The following GNAL variants were observed in gnomAD, a reference collection of about 807,000 sequenced individuals.
The protein encoded by GNAL is G protein subunit alpha L, also known as guanine nucleotide-binding protein G(olf) subunit alpha.
In GNAL, 18 loss-of-function variants were observed where a neutral mutation model predicts 55.1. That is an observed-to-expected ratio of 0.33 (90% CI 0.23 to 0.48). The LOEUF is 0.48. Ranked by LOEUF, GNAL falls within the 20% of genes least tolerant of loss-of-function variation. GNAL has a pLI of 0.99. For synonymous variants in GNAL, 253 were observed against 237.0 expected (o/e 1.07, Z -0.62); for missense variants, 412 against 614.1 (o/e 0.67, Z 3.48).
At chr18:11,693,676 C>T (rs1015555986) in intron 1 of GNAL, among the ~76,000 whole-genome samples, 18 of 151,174 alleles carry the variant, frequency 1.2e-4, no homozygotes, top group Non-Finnish European at 8.8e-5. Flanking sequence ...GAAATGTGCA[C>T]CGAAAGCTGG....
At chr18:11,784,557 G>A (rs2034006657) in intron 4 of GNAL, among the ~76,000 whole-genome samples, 2 of 152,230 alleles carry the variant, frequency 1.3e-5, no homozygotes, top group South Asian at 4.1e-4. Context: ...TTGAGCAGAA[G>A]CAGATTGTAT....
In GNAL at chr18:11,884,976, C is replaced by T. The variant is rs1022674173; in HGVS notation, c.*3841C>T. 5.0e-5 allele frequency: 65 copies of T among 1,301,908 alleles called. No individual in the cohort carries two copies. The highest frequency in any genetic ancestry group is 6.0e-5 in the Non-Finnish European group (60 of 1,000,172). The allele number at this position is 1,301,908 out of a possible 1,614,324, so 80.6% of individuals were successfully genotyped here. On this transcript the variant is annotated 3_prime_UTR_variant, in exon 12 of 12. Transcript: ENST00000334049. Reference sequence around the variant, plus strand: ...AGGCACCGTGGAGTTCCAGGGTCATCGGTCAGCGAGGAACAAGGAGGGAAA... The same window carrying T: ...AGGCACCGTGGAGTTCCAGGGTCATTGGTCAGCGAGGAACAAGGAGGGAAA...
At position 11,824,158 on chromosome 18, in the gene GNAL, T is replaced by G. The variant is rs137905960; in HGVS notation, c.625-760T>G. On this transcript the variant is annotated intron_variant, in intron 4 of 11. Transcript: ENST00000334049. Reference sequence around the variant, plus strand: ...TCTGGGCCAAATTTAATCCATCTACTCAACCATGTCCATTCCTAATCATAA... The same window carrying G: ...TCTGGGCCAAATTTAATCCATCTACGCAACCATGTCCATTCCTAATCATAA... Among the ~76,000 whole-genome samples the G allele has an allele frequency of 5.5e-3, 832 of 151,766 alleles. 3 individuals are homozygous for G. The highest frequency in any genetic ancestry group is 9.4e-3 in the Non-Finnish European group (638 of 67,982).
rs9948578 is a variant in GNAL at position 11,740,161 on chromosome 18, G to A, written c.377-12692G>A. ...TGTAATTTTCAGTGGCTTAGAATTC[G>A]TTACAGTACTTAACTGTTTTGGTGC... On this transcript the variant is annotated intron_variant, in intron 1 of 11. Transcript: ENST00000334049. 9.0e-3 allele frequency among the ~76,000 whole-genome samples: 1,366 copies of A among 152,114 alleles called. 19 individuals carry two copies. The highest frequency in any genetic ancestry group is 0.031 in the African/African-American group (1,300 of 41,460).
intron 1 of GNAL, among the ~76,000 whole-genome samples, chr18:11,722,597 G>A (rs767824712): frequency 2.6e-5 from 4 of 152,208 alleles, no homozygotes. Flanking sequence ...TTGGCTGGGT[G>A]CGGTGGCTGA....
At chr18:11,719,032 G>A (rs1423467584) in intron 1 of GNAL, among the ~76,000 whole-genome samples, 1 of 152,180 alleles carries the variant, frequency 6.6e-6, no homozygotes, top group Non-Finnish European at 1.5e-5. Flanking sequence ...TGAATTGGAT[G>A]TAAATAGGAG....
intron 1 of GNAL, among the ~76,000 whole-genome samples, chr18:11,703,635 C>A (rs2031631236): frequency 6.6e-6 from 1 of 152,194 alleles, no homozygotes; most frequent in African/African-American, 2.4e-5. Flanking sequence ...GTGGTTGATC[C>A]AGTGGACTTC....
At chr18:11,851,763 G>A in intron 5 of GNAL, 4 of 1,614,014 alleles carry the variant, frequency 2.5e-6, no homozygotes, top group South Asian at 2.2e-5. Context: ...CGGCGGTGAC[G>A]ATGGGCAAGG....
chr18:11,791,186 G>C (rs1317639097), intron 4 of GNAL, among the ~76,000 whole-genome samples: 1 of 152,178 alleles, frequency 6.6e-6, no homozygotes, highest in East Asian at 1.9e-4. Flanking sequence ...AATGGTTTGT[G>C]TGGGTTCTTA....
At chr18:11,735,413 A>C (rs954397602) in intron 1 of GNAL, among the ~76,000 whole-genome samples, 6 of 152,122 alleles carry the variant, frequency 3.9e-5, no homozygotes, top group African/African-American at 7.2e-5. Context: ...AGTGATGATA[A>C]GGAATGGATC....
chr18:11,785,445 A>G (rs568865645), intron 4 of GNAL, among the ~76,000 whole-genome samples: 1 of 152,262 alleles, frequency 6.6e-6, no homozygotes, highest in Admixed American at 6.5e-5. Context: ...GAACAAGGAG[A>G]AGAAAGGAGG....
intron 11 of GNAL, among the ~76,000 whole-genome samples, chr18:11,880,192 G>C (rs1041519133): frequency 2.0e-5 from 3 of 151,352 alleles, no homozygotes; most frequent in Admixed American, 1.3e-4. Context: ...GGGAGGCAGA[G>C]GTTGCAGTGA....
intron 1 of GNAL, among the ~76,000 whole-genome samples, chr18:11,728,318 G>T (rs1349728747): frequency 1.3e-5 from 2 of 152,264 alleles, no homozygotes; most frequent in South Asian, 4.1e-4. Context: ...TCATTTTAAT[G>T]TCTCTCTGAG....
intron 9 of GNAL, among the ~76,000 whole-genome samples, chr18:11,869,044 C>T (rs913203031): frequency 6.7e-6 from 1 of 150,122 alleles, no homozygotes; most frequent in Non-Finnish European, 1.5e-5. Context: ...ACCCACACAC[C>T]CACACACTCT....
chr18:11,722,497 C>T (rs1452014353), intron 1 of GNAL, among the ~76,000 whole-genome samples: 3 of 152,194 alleles, frequency 2.0e-5, no homozygotes, highest in Non-Finnish European at 4.4e-5. Context: ...ATAAAGCACC[C>T]TTCACTGTAC....
intron 1 of GNAL, among the ~76,000 whole-genome samples, chr18:11,722,904 G>A (rs75897199): frequency 2.0e-5 from 3 of 150,882 alleles, no homozygotes; most frequent in Non-Finnish European, 2.9e-5. Flanking sequence ...CCAGCTACTC[G>A]AGAGGCTGAG....
chr18:11,786,944 T>C (rs372883164), intron 4 of GNAL, among the ~76,000 whole-genome samples: 8 of 152,024 alleles, frequency 5.3e-5, no homozygotes, highest in Admixed American at 3.9e-4. Context: ...CTAAGAGGGC[T>C]ATTGGAAAGG....
intron 5 of GNAL, among the ~76,000 whole-genome samples, chr18:11,836,520 G>A (rs946214916): frequency 6.6e-6 from 1 of 152,142 alleles, no homozygotes; most frequent in African/African-American, 2.4e-5. Flanking sequence ...AAGTGTAGCT[G>A]TAAGATAGCT....
intron 4 of GNAL, among the ~76,000 whole-genome samples, chr18:11,776,754 A>C (rs1598448700): frequency 6.6e-6 from 1 of 151,838 alleles, no homozygotes; most frequent in African/African-American, 2.4e-5. Context: ...CAAATGCAAC[A>C]GTCTTCTCTT....
Sources: allele counts gnomAD v4.1 joint callset (sites outside exome capture counted in the v4.1 genomes callset), GRCh38; gene constraint gnomAD v4.1.1; transcripts MANE v1.5; gene names NCBI Gene and HGNC (gene_info 2026-07-23, HGNC 2026-07-21).